Variants in LUZP2 observed in about 807,000 individuals in gnomAD.
LUZP2 encodes the protein leucine zipper protein 2.
A neutral mutation model predicts 51.6 loss-of-function variants in LUZP2; 52 were observed. The observed-to-expected ratio is 1.01, with a 90% CI of 0.81 to 1.27. LUZP2 has a LOEUF of 1.27. Ranked by LOEUF, LUZP2 falls within the 50% of genes most tolerant of loss-of-function variation. The pLI is 0.00. For missense variants in LUZP2, 436 were observed against 395.4 expected (o/e 1.10, Z -0.87); for synonymous variants, 154 against 137.3 (o/e 1.12, Z -0.85).
chr11:24,668,739 T>C (rs1264021527), intron 1 of LUZP2, among the ~76,000 whole-genome samples: 2 of 152,218 alleles, frequency 1.3e-5, no homozygotes, highest in East Asian at 3.8e-4. Flanking sequence ...TCTCGCTTTC[T>C]ATTATTTATA....
At chr11:24,696,936 T>C (rs1236962449) in intron 1 of LUZP2, among the ~76,000 whole-genome samples, 2 of 151,984 alleles carry the variant, frequency 1.3e-5, no homozygotes, top group African/African-American at 2.4e-5. Context: ...TCCAGATACA[T>C]AAACAACAGT....
chr11:24,873,609 A>G (rs1003080818), intron 5 of LUZP2, among the ~76,000 whole-genome samples: 1 of 152,214 alleles, frequency 6.6e-6, no homozygotes, highest in African/African-American at 2.4e-5. Flanking sequence ...GAGATGTGTC[A>G]AAATAAACAT....
intron 5 of LUZP2, among the ~76,000 whole-genome samples, chr11:24,856,505 A>T (rs914660793): frequency 6.6e-6 from 1 of 152,088 alleles, no homozygotes; most frequent in Non-Finnish European, 1.5e-5. Flanking sequence ...TATACCCTCT[A>T]TAGAAAACTT....
chr11:24,888,679 G>C (rs1852748688), intron 5 of LUZP2, among the ~76,000 whole-genome samples: 1 of 152,216 alleles, frequency 6.6e-6, no homozygotes, highest in East Asian at 1.9e-4. Flanking sequence ...ATTTGATATT[G>C]TTAGGCTTTG....
chr11:25,039,026 C>A (rs1857953006), intron 9 of LUZP2, among the ~76,000 whole-genome samples: 1 of 152,212 alleles, frequency 6.6e-6, no homozygotes. Context: ...ACATTCACAG[C>A]TGTTTTCTGT....
intron 9 of LUZP2, among the ~76,000 whole-genome samples, chr11:25,036,405 T>C (rs1160076054): frequency 6.6e-6 from 1 of 152,008 alleles, no homozygotes; most frequent in Non-Finnish European, 1.5e-5. Flanking sequence ...ATCATATTCA[T>C]TTTTTTGAAG....
At chr11:24,645,201 A>G (rs1436658918) in intron 1 of LUZP2, among the ~76,000 whole-genome samples, 1 of 152,188 alleles carries the variant, frequency 6.6e-6, no homozygotes, top group Non-Finnish European at 1.5e-5. Context: ...ATGTTTTTAA[A>G]GAGAGAGACC....
chr11:24,872,254 G>A (rs571571357), intron 5 of LUZP2, among the ~76,000 whole-genome samples: 1 of 152,028 alleles, frequency 6.6e-6, no homozygotes, highest in Non-Finnish European at 1.5e-5. Context: ...ATATACCAGT[G>A]CTAGTCTAAT....
intron 5 of LUZP2, among the ~76,000 whole-genome samples, chr11:24,812,713 T>G (rs1217357647): frequency 6.6e-6 from 1 of 152,072 alleles, no homozygotes; most frequent in Non-Finnish European, 1.5e-5. Flanking sequence ...TGCTCTGTGT[T>G]TTTTGTTTGT....
chr11:24,944,834 G>A (rs1414922603), intron 7 of LUZP2, among the ~76,000 whole-genome samples: 3 of 152,178 alleles, frequency 2.0e-5, no homozygotes, highest in African/African-American at 7.2e-5. Flanking sequence ...CCTAAGTCAA[G>A]TATTAGAATG....
At chr11:24,918,623 A>G (rs1229126508) in intron 7 of LUZP2, among the ~76,000 whole-genome samples, 2 of 151,296 alleles carry the variant, frequency 1.3e-5, no homozygotes, top group East Asian at 3.9e-4. Context: ...TTTAGATTTG[A>G]CAAATGTAAT....
At chr11:24,857,673 T>C (rs1378466718) in intron 5 of LUZP2, among the ~76,000 whole-genome samples, 1 of 147,580 alleles carries the variant, frequency 6.8e-6, no homozygotes, top group Non-Finnish European at 1.5e-5. Context: ...AAGTGATCCA[T>C]GGTTATTTAC....
intron 5 of LUZP2, among the ~76,000 whole-genome samples, chr11:24,860,507 GGGT>G (rs1448718541): frequency 1.3e-5 from 2 of 152,076 alleles, no homozygotes; most frequent in African/African-American, 4.8e-5. Flanking sequence ...CCTCCAACAG[GGGT>G]TGTCAGGCAC....
intron 9 of LUZP2, among the ~76,000 whole-genome samples, chr11:25,019,849 G>C (rs1020710347): frequency 1.3e-5 from 2 of 152,022 alleles, no homozygotes; most frequent in African/African-American, 4.8e-5. Context: ...TTTGGATCTA[G>C]TGTCACATAC....
At chr11:24,978,468 C>T (rs1283847082) in intron 8 of LUZP2, among the ~76,000 whole-genome samples, 1 of 151,666 alleles carries the variant, frequency 6.6e-6, no homozygotes, top group Non-Finnish European at 1.5e-5. Context: ...GCAGTCTGGT[C>T]TTCTCTGAGT....
chr11:24,612,607 G>A (rs937674279), intron 1 of LUZP2, among the ~76,000 whole-genome samples: 11 of 151,988 alleles, frequency 7.2e-5, no homozygotes, highest in Non-Finnish European at 1.0e-4. Flanking sequence ...TTTGTGAATA[G>A]GGCTAGCCTC....
At chr11:24,512,539 A>G (rs1564961405) in intron 1 of LUZP2, among the ~76,000 whole-genome samples, 1 of 152,196 alleles carries the variant, frequency 6.6e-6, no homozygotes, top group Non-Finnish European at 1.5e-5. Context: ...AAAGTTTTTC[A>G]GAAAAATGAC....
intron 7 of LUZP2, among the ~76,000 whole-genome samples, chr11:24,959,075 C>A: frequency 6.6e-6 from 1 of 152,046 alleles, no homozygotes; most frequent in Non-Finnish European, 1.5e-5. Context: ...AGATGTGTGG[C>A]ATTATTTCTG....
chr11:24,646,949 G>A (rs1855480157), intron 1 of LUZP2, among the ~76,000 whole-genome samples: 1 of 151,954 alleles, frequency 6.6e-6, no homozygotes, highest in Admixed American at 6.6e-5. Context: ...TACACATGAG[G>A]AAGAAGCACT....
Sources: allele counts gnomAD v4.1 joint callset (sites outside exome capture counted in the v4.1 genomes callset), GRCh38; gene constraint gnomAD v4.1.1; transcripts MANE v1.5; gene names NCBI Gene and HGNC (gene_info 2026-07-23, HGNC 2026-07-21).